Variants in ZNF492 observed in about 807,000 individuals in gnomAD.
ZNF492 encodes the protein zinc finger protein 492.
A neutral mutation model predicts 6.4 loss-of-function variants in ZNF492; 3 were observed. The ratio of observed to expected loss-of-function variants is 0.47; its 90% CI spans 0.21 to 1.22. The LOEUF is 1.22. ZNF492 is among the 50% of genes most tolerant of loss of function. The pLI is 0.22. For synonymous variants in ZNF492, 112 were observed against 205.3 expected, an observed-to-expected ratio of 0.55 and a Z score of 3.89; for missense variants, 356 against 612.5, an observed-to-expected ratio of 0.58 and a Z score of 4.42.
At chr19:22,655,917 C>T (rs540276431) in intron 3 of ZNF492, among the ~76,000 whole-genome samples, 2 of 143,530 alleles carry the variant, frequency 1.4e-5, no homozygotes, top group Non-Finnish European at 3.0e-5. Flanking sequence ...CTCCACCTCC[C>T]AGGTTCAAGT....
At chr19:22,659,667 GTTT>G (rs758637692) in intron 3 of ZNF492, among the ~76,000 whole-genome samples, 12,953 of 101,566 alleles carry the variant, frequency 0.13, 597 homozygotes, top group East Asian at 0.2. Context: ...TTTTTTTGTT[GTTT>G]TTTTTTTTTT....
At chr19:22,655,816 GTTTT>G (rs987078429) in intron 3 of ZNF492, among the ~76,000 whole-genome samples, 7 of 51,784 alleles carry the variant, frequency 1.4e-4, no homozygotes, top group Non-Finnish European at 1.6e-4. Flanking sequence ...TTTTCTTGTT[GTTTT>G]TTTTTTTTTT....
intron 1 of ZNF492, among the ~76,000 whole-genome samples, chr19:22,652,529 C>G (rs976308562): frequency 6.6e-6 from 1 of 151,490 alleles, no homozygotes; most frequent in African/African-American, 2.4e-5. Flanking sequence ...ATGGGCATTA[C>G]TGGTGAGCTT....
Position 22,652,790 on chromosome 19 carries a change from A to G in ZNF492, c.-93-517A>G, listed in dbSNP as rs372685608. ...GAGACAGGGTTTCACCGTGTTAGCC[A>G]GGATAGTCTCGGTCTCCTGACCTCG... is the stretch of plus-strand genomic sequence containing the variant. On this transcript the variant is annotated intron_variant, in intron 1 of 3. Transcript: ENST00000456783. Among the ~76,000 whole-genome samples, 201 of 152,222 alleles carry G rather than the reference A, an allele frequency of 1.3e-3. 11 individuals are homozygous for G. In the South Asian group the frequency reaches 0.04, roughly 30 times the overall value.
intron 1 of ZNF492, among the ~76,000 whole-genome samples, chr19:22,647,238 T>TTTTG (rs916818149): frequency 2.2e-4 from 33 of 149,666 alleles, no homozygotes; most frequent in Non-Finnish European, 3.7e-4. Flanking sequence ...GCCAGTTTTT[T>TTTTG]TTTGTTTGTT....
chr19:22,637,273 G>A (rs144828689), intron 1 of ZNF492, among the ~76,000 whole-genome samples: 11 of 151,912 alleles, frequency 7.2e-5, no homozygotes, highest in African/African-American at 1.9e-4. Context: ...CATTGCACCC[G>A]GCCTAAACCT....
At chr19:22,653,539 T>C (rs1971963702) in intron 2 of ZNF492, 106 bp downstream of exon 2, 2 of 1,433,146 alleles carry the variant, frequency 1.4e-6, no homozygotes, top group East Asian at 4.6e-5. Context: ...CTCTGTTTTT[T>C]GTTTTTAACT....
chr19:22,648,574 C>T (rs548655228), intron 1 of ZNF492, among the ~76,000 whole-genome samples: 30 of 152,250 alleles, frequency 2.0e-4, no homozygotes, highest in Admixed American at 9.8e-4. Context: ...ATTGTGTGGG[C>T]GTCTAAGTCT....
intron 1 of ZNF492, among the ~76,000 whole-genome samples, chr19:22,646,499 A>G (rs1971878531): frequency 6.6e-6 from 1 of 152,050 alleles, no homozygotes; most frequent in Non-Finnish European, 1.5e-5. Flanking sequence ...CTATTTGAAT[A>G]CTCTTTATTT....
At chr19:22,648,277 C>T (rs34256815) in intron 1 of ZNF492, among the ~76,000 whole-genome samples, 29,481 of 152,066 alleles carry the variant, frequency 0.19, 3,727 homozygotes, top group African/African-American at 0.37. Context: ...TTCCTAATCC[C>T]GAGTTCTAAT....
chr19:22,665,001 T>C lies in ZNF492; in HGVS notation c.1332T>C (p.Thr444=). ...STLSKHKVIH[T]GEKPYKYEEC... ...TTTCTAAACATAAGGTAATTCATAC[T>C]GGAGAGAAGCCCTACAAATATGAAG... The change falls in exon 4 of 4, where the codon ACT becomes ACC. Residue 444 remains threonine (T), a synonymous_variant. Transcript: ENST00000456783. The C allele has an allele frequency of 6.3e-7, 1 of 1,585,494 alleles. No homozygotes were observed. Among genetic ancestry groups the C allele is most frequent in the South Asian group, 1.1e-5 (1 of 89,114 alleles).
intron 3 of ZNF492, among the ~76,000 whole-genome samples, chr19:22,661,861 G>T (rs1972062005): frequency 6.6e-6 from 1 of 152,128 alleles, no homozygotes; most frequent in Admixed American, 6.6e-5. Flanking sequence ...CCGCCAAAGT[G>T]CTAGGATTAC....
intron 3 of ZNF492, among the ~76,000 whole-genome samples, chr19:22,660,927 T>TCC (rs199598929): frequency 7.3e-4 from 110 of 149,866 alleles, no homozygotes; most frequent in Middle Eastern, 3.4e-3. Flanking sequence ...TTTTTTTTTT[T>TCC]TCCCCTCAGG....
chr19:22,660,928 T>TCC (rs752853908), intron 3 of ZNF492, among the ~76,000 whole-genome samples: 490 of 149,876 alleles, frequency 3.3e-3, no homozygotes, highest in African/African-American at 0.011. Flanking sequence ...TTTTTTTTTT[T>TCC]CCCCTCAGGA....
chr19:22,637,995 C>T (rs867323522), intron 1 of ZNF492, among the ~76,000 whole-genome samples: 22 of 152,044 alleles, frequency 1.4e-4, no homozygotes, highest in African/African-American at 3.1e-4. Flanking sequence ...TTTTTATGCT[C>T]GTTAACCACA....
rs183513617 is a variant in ZNF492, at chr19:22,639,471, G to A, written c.-94+4997G>A. 1.3e-4 allele frequency among the ~76,000 whole-genome samples: 20 copies of A among 152,092 alleles called. No individual in the cohort carries two copies. In the East Asian group the frequency reaches 3.7e-3, roughly 28 times the overall value. On this transcript the variant is annotated intron_variant, in intron 1 of 3. Transcript: ENST00000456783. ...CACACCTGTAATCCCAGCACTTTGG[G>A]AGGCCAAGGCGGGCAGATCATCTGA...
chr19:22,661,882 C>T (rs1400900896), intron 3 of ZNF492, among the ~76,000 whole-genome samples: 1 of 152,116 alleles, frequency 6.6e-6, no homozygotes, highest in African/African-American at 2.4e-5. Context: ...AGGTTTGAAC[C>T]ACCAAACTCC....
At position 22,663,874 on chromosome 19, in the gene ZNF492, A is replaced by G. The variant is rs749416985; in HGVS notation, c.205A>G (p.Arg69Gly). ...KKNYFQKVIL[R>G]RYKKCGCENL... is the part of the protein sequence containing the mutation. ...AAATTATTTCCAAAAAGTGATACTGAGAAGATATAAAAAATGTGGATGTGA... is the reference window on the plus strand; with the variant it reads ...AAATTATTTCCAAAAAGTGATACTGGGAAGATATAAAAAATGTGGATGTGA... The change falls in exon 4 of 4, where the codon AGA becomes GGA. Residue 69 changes from arginine to glycine, a missense_variant. Physicochemically the swap from Arg to Gly is moderately radical, Grantham distance 125. Around this residue, in one of 7 missense-constraint regions of ZNF492, gnomAD observed 196 missense variants for 219.4 expected, o/e 0.89. Transcript: ENST00000456783. 15 of 1,581,348 alleles carry G rather than the reference A, an allele frequency of 9.5e-6. No individual in the cohort carries two copies. Among genetic ancestry groups the G allele is most frequent in the Non-Finnish European group, 1.3e-5 (15 of 1,164,482 alleles).
intron 1 of ZNF492, among the ~76,000 whole-genome samples, chr19:22,642,073 G>A (rs1329737415): frequency 1.3e-5 from 2 of 152,094 alleles, no homozygotes; most frequent in African/African-American, 2.4e-5. Flanking sequence ...GATTACAGGC[G>A]TGAGCCAGCG....
Sources: gnomAD v4.1 joint callset for allele counts (sites outside exome capture counted in the v4.1 genomes callset) on GRCh38, gnomAD v4.1.1 for gene constraint, gnomAD v4.1.1 regional missense constraint, MANE v1.5 for transcripts, NCBI Gene and HGNC (gene_info 2026-07-23, HGNC 2026-07-21) for gene names.